The following PIK3C3 variants were observed in gnomAD, a reference collection of about 807,000 sequenced individuals.
The protein encoded by PIK3C3 is phosphatidylinositol 3-kinase catalytic subunit type 3.
PIK3C3 carries 95 observed loss-of-function variants against 126.1 expected under a neutral mutation model. The ratio of observed to expected loss-of-function variants is 0.75; its 90% CI spans 0.64 to 0.89. PIK3C3 has a LOEUF of 0.89. Ranked by LOEUF, PIK3C3 falls within the 40% of genes least tolerant of loss-of-function variation. PIK3C3 has a pLI of 0.00. For missense variants in PIK3C3, 829 were observed against 1,063.2 expected, an observed-to-expected ratio of 0.78 and a Z score of 3.06; for synonymous variants, 374 against 360.0, an observed-to-expected ratio of 1.04 and a Z score of -0.44.
intron 13 of PIK3C3, chr18:42,025,252 G>C (rs1338675083): frequency 1.3e-5 from 2 of 152,384 alleles, no homozygotes; most frequent in East Asian, 3.9e-4. Flanking sequence ...ATAAACACAG[G>C]AAAAGCTGAA....
chr18:41,970,688 T>C, intron 4 of PIK3C3: 2 of 594,398 alleles, frequency 3.4e-6, no homozygotes, highest in African/African-American at 1.9e-5. Flanking sequence ...TATATAATTT[T>C]AGAATTTTTT....
At position 41,987,816 on chromosome 18, in the gene PIK3C3, C is replaced by G. The variant is rs758593095; in HGVS notation, c.536C>G (p.Thr179Ser). The G allele has an allele frequency of 4.4e-6, 7 of 1,603,832 alleles. No homozygotes were observed. In the African/African-American group the frequency reaches 9.4e-5, roughly 22 times the overall value. The change falls in exon 5 of 25, where the codon ACC (threonine) becomes AGC (serine). Residue 179 changes from threonine to serine, a missense_variant. By Grantham distance (58) the Thr-to-Ser change is moderately conservative. Transcript: ENST00000262039. ...GTCATTGTATTTATTCTGCAGCTCA[C>G]CAAAGCTCATCGACAAGGACACATG... Reference protein sequence around the residue: ...EDQMSRLAKLTKAHRQGHMVK... With the variant: ...EDQMSRLAKLSKAHRQGHMVK...
intron 19 of PIK3C3, among the ~76,000 whole-genome samples, chr18:42,043,279 G>C (rs1984408222): frequency 6.6e-6 from 1 of 151,988 alleles, no homozygotes; most frequent in African/African-American, 2.4e-5. Flanking sequence ...TTTTAGTAGA[G>C]ACTGGGTTTC....
chr18:41,967,936 G>A (rs571478347), intron 3 of PIK3C3, among the ~76,000 whole-genome samples: 6 of 152,232 alleles, frequency 3.9e-5, no homozygotes, highest in East Asian at 3.9e-4. Flanking sequence ...CTTCTCTCTC[G>A]CCTGTTTGGC....
rs752361219 is a variant in PIK3C3 at position 41,957,669 on chromosome 18, T to C, written c.168T>C (p.Asp56=). 3.1e-5 allele frequency: 50 copies of C among 1,613,920 alleles called. No individual in the cohort carries two copies. The highest frequency in any genetic ancestry group is 4.2e-5 in the Non-Finnish European group (49 of 1,179,938). ...FSGLYQETCS[D]LYVTCQVFAE... ...GACTATATCAAGAGACATGCTCTGA[T>C]CTTTATGTTACTTGTCAAGTTTTTG... is the stretch of plus-strand genomic sequence containing the variant. The change falls in exon 2 of 25, where the codon GAT becomes GAC. Residue 56 remains aspartate, a synonymous_variant. Transcript: ENST00000262039.
intron 20 of PIK3C3, among the ~76,000 whole-genome samples, chr18:42,044,221 G>A (rs1598926518): frequency 2.6e-5 from 4 of 152,272 alleles, no homozygotes; most frequent in Admixed American, 2.0e-4. Context: ...GGGTGCCCTT[G>A]TGGTATTTTA....
chr18:42,069,445 A>T (rs1985685253), intron 24 of PIK3C3, among the ~76,000 whole-genome samples: 1 of 152,226 alleles, frequency 6.6e-6, no homozygotes, highest in African/African-American at 2.4e-5. Context: ...TGACTCCCAT[A>T]TTTAGTATTT....
intron 9 of PIK3C3, among the ~76,000 whole-genome samples, chr18:42,002,989 G>C (rs936384900): frequency 2.9e-4 from 44 of 152,208 alleles, no homozygotes; most frequent in African/African-American, 9.6e-4. Flanking sequence ...GCACCATCTG[G>C]TGGAAGAAGT....
intron 10 of PIK3C3, among the ~76,000 whole-genome samples, chr18:42,007,062 G>A (rs1016149579): frequency 6.6e-6 from 1 of 151,938 alleles, no homozygotes. Flanking sequence ...TAGAGACGGG[G>A]TTTCACCGTG....
Position 42,013,581 on chromosome 18 carries a change from C to T in PIK3C3, c.1310C>T (p.Ser437Phe), listed in dbSNP as rs1262517095. The T allele has an allele frequency of 1.2e-6, 2 of 1,600,650 alleles. No individual in the cohort carries two copies. Among genetic ancestry groups the T allele is most frequent in the Admixed American group, 1.7e-5 (1 of 58,074 alleles). The change falls in exon 11 of 25, where the codon TCT becomes TTT. Residue 437 changes from serine (S) to phenylalanine (F), a missense_variant. Around this residue, in one of 4 missense-constraint regions of PIK3C3, gnomAD observed 256 missense variants for 291.0 expected, o/e 0.88. Coordinates refer to ENST00000262039, the MANE Select transcript of PIK3C3 (RefSeq NM_002647.4). ...SENVSNSGIN[S>F]AEIDSSQIIT... ...AATGTGTCAAATTCTGGAATAAATT[C>T]TGCAGAAATAGATAGGTATGGATAT...
intron 5 of PIK3C3, among the ~76,000 whole-genome samples, chr18:41,989,793 C>T (rs761999522): frequency 2.0e-5 from 3 of 152,082 alleles, no homozygotes; most frequent in Non-Finnish European, 4.4e-5. Context: ...GTACACCTGT[C>T]GTTAAGTGAC....
chr18:41,981,734 T>G (rs1981210949), intron 4 of PIK3C3, among the ~76,000 whole-genome samples: 2 of 149,082 alleles, frequency 1.3e-5, no homozygotes, highest in African/African-American at 2.5e-5. Context: ...CTGAGAAGGG[T>G]GGATCATTTG....
chr18:42,031,754 C>T (rs993652625), intron 15 of PIK3C3, among the ~76,000 whole-genome samples: 1 of 152,176 alleles, frequency 6.6e-6, no homozygotes, highest in African/African-American at 2.4e-5. Context: ...TTAACACTTT[C>T]ACTGTTAATA....
At chr18:42,035,460 C>T (rs532785208) in intron 16 of PIK3C3, among the ~76,000 whole-genome samples, 33 of 152,084 alleles carry the variant, frequency 2.2e-4, no homozygotes, top group South Asian at 4.2e-4. Context: ...GACTCATACT[C>T]AATTATAAAA....
intron 9 of PIK3C3, among the ~76,000 whole-genome samples, chr18:42,000,641 A>G (rs1982240979): frequency 6.6e-6 from 1 of 152,130 alleles, no homozygotes; most frequent in Non-Finnish European, 1.5e-5. Flanking sequence ...GACTGAGAAG[A>G]AAAAGAATTT....
At chr18:41,955,391 T>G (rs1354018910) in intron 1 of PIK3C3, 32 bp downstream of exon 1, 1 of 1,585,624 alleles carries the variant, frequency 6.3e-7, no homozygotes, top group Non-Finnish European at 8.6e-7. Context: ...GGAGTGGGAT[T>G]GCTGGGGCGT....
At chr18:42,004,314 G>A (rs1982433793) in intron 9 of PIK3C3, 42 bp from the exon 10 acceptor site, 2 of 1,499,888 alleles carry the variant, frequency 1.3e-6, no homozygotes, top group Admixed American at 1.8e-5. Flanking sequence ...TCTATCCCAG[G>A]AAATAGGCTG....
At chr18:41,996,580 G>T in intron 8 of PIK3C3, 58 bp from the exon 9 acceptor site, 1 of 708,126 alleles carries the variant, frequency 1.4e-6, no homozygotes, top group African/African-American at 1.8e-5. Flanking sequence ...AAGTGAAATG[G>T]AAATATATAG....
At chr18:42,059,648 T>C (rs1985228245) in intron 22 of PIK3C3, 1 of 152,202 alleles carries the variant, frequency 6.6e-6, no homozygotes, top group African/African-American at 2.4e-5. Flanking sequence ...ACTTCCTTGC[T>C]ACAAAGAAAA....
Sources: gnomAD v4.1 joint callset for allele counts (sites outside exome capture counted in the v4.1 genomes callset) on GRCh38, gnomAD v4.1.1 for gene constraint, gnomAD v4.1.1 regional missense constraint, MANE v1.5 for transcripts, NCBI Gene and HGNC (gene_info 2026-07-23, HGNC 2026-07-21) for gene names.